Variants in EDA observed in about 807,000 individuals in gnomAD.
EDA encodes ectodysplasin A, also known as ectodysplasin-A.
Under a neutral mutation model 23.6 loss-of-function variants are expected in EDA, and 2 were observed. That is an observed-to-expected ratio of 0.08 (90% CI 0.03 to 0.27). The LOEUF is 0.27. Ranked by LOEUF, EDA falls within the 10% of genes least tolerant of loss-of-function variation. EDA has a pLI of 1.00. For missense variants in EDA, 229 were observed against 324.2 expected, an observed-to-expected ratio of 0.71 and a Z score of 2.26; for synonymous variants, 131 against 132.0, an observed-to-expected ratio of 0.99 and a Z score of 0.05.
At chrX:69,821,051 C>T (rs2016207020) in intron 1 of EDA, among the ~76,000 whole-genome samples, 2 of 111,406 alleles carry the variant, frequency 1.8e-5, no homozygotes, top group African/African-American at 6.5e-5. Context: ...GAATACTATG[C>T]AGCCATAAAA....
Position 70,035,490 on chromosome X carries a change from C to A in EDA, c.1057C>A (p.Leu353Ile), listed in dbSNP as rs2147519192. Residue 353 changes from leucine to isoleucine, a missense_variant, in exon 8 of 8, where the codon CTC becomes ATC. Coordinates refer to ENST00000374552, the MANE Select transcript of EDA (RefSeq NM_001399.5). ...YNTCYTAGVC[L>I]LKARQKIAVK... is the part of the protein sequence containing the mutation. ...CACTTGCTATACCGCAGGCGTCTGCCTCCTCAAGGCCCGGCAGAAGATCGC... is the reference window on the plus strand; with the variant it reads ...CACTTGCTATACCGCAGGCGTCTGCATCCTCAAGGCCCGGCAGAAGATCGC... The A allele has an allele frequency of 1.7e-6, 2 of 1,210,633 alleles. No homozygotes were observed. Among genetic ancestry groups the A allele is most frequent in the East Asian group, 5.9e-5 (2 of 33,801 alleles).
intron 1 of EDA, among the ~76,000 whole-genome samples, chrX:69,876,837 G>A (rs2017653220): frequency 8.9e-6 from 1 of 112,412 alleles, no homozygotes; most frequent in Admixed American, 9.4e-5. Flanking sequence ...CCATTCACAG[G>A]TTGAAGGACA....
Position 69,920,593 on chromosome X carries a change from G to A in EDA, c.397-36434G>A, listed in dbSNP as rs1459993651. On this transcript the variant is annotated intron_variant, in intron 1 of 7. Coordinates refer to ENST00000374552, the MANE Select transcript of EDA (RefSeq NM_001399.5). ...ATGTTTTTCTCATGACTAGAATGGG[G>A]TTATGGGCTTTTGGAAGGAAGACTA... 2.7e-5 allele frequency among the ~76,000 whole-genome samples: 3 copies of A among 111,265 alleles called. No homozygotes were observed. The Admixed American group carries it at 2.9e-4, about 11-fold the overall frequency.
At chrX:69,846,289 G>C (rs2017004862) in intron 1 of EDA, among the ~76,000 whole-genome samples, 1 of 110,316 alleles carries the variant, frequency 9.1e-6, no homozygotes, top group Non-Finnish European at 1.9e-5. Flanking sequence ...GTTTGTTTTT[G>C]GTTTGTTGTT....
chrX:69,809,051 T>C (rs1195018792), intron 1 of EDA, among the ~76,000 whole-genome samples: 3 of 111,643 alleles, frequency 2.7e-5, no homozygotes, highest in African/African-American at 9.8e-5. Flanking sequence ...ACATTTACTA[T>C]TTTAACCTGA....
chrX:69,873,477 A>G (rs2017597456), intron 1 of EDA, among the ~76,000 whole-genome samples: 1 of 112,458 alleles, frequency 8.9e-6, no homozygotes, highest in Non-Finnish European at 1.9e-5. Context: ...CTTTGAAAAC[A>G]TAAATAAAAT....
chrX:69,979,057 C>T (rs1363364127), intron 2 of EDA, among the ~76,000 whole-genome samples: 1 of 111,562 alleles, frequency 9.0e-6, no homozygotes, highest in Admixed American at 9.6e-5. Context: ...ACAATAACTC[C>T]CCATGACCCT....
chrX:69,761,476 A>G (rs964030837), intron 1 of EDA, among the ~76,000 whole-genome samples: 1 of 112,290 alleles, frequency 8.9e-6, no homozygotes, highest in Non-Finnish European at 1.9e-5. Context: ...CATTTTACAG[A>G]TAAAAAATCT....
chrX:69,909,458 GC>G (rs1569370431), intron 1 of EDA, among the ~76,000 whole-genome samples: 1 of 111,540 alleles, frequency 9.0e-6, no homozygotes, highest in African/African-American at 3.3e-5. Flanking sequence ...GTACCACCAC[GC>G]CCAGCATTTT....
chrX:69,834,828 G>T (rs758690283), intron 1 of EDA, among the ~76,000 whole-genome samples: 224 of 111,461 alleles, frequency 2.0e-3, no homozygotes, highest in African/African-American at 6.8e-3. Context: ...TTACAATTTG[G>T]CATGTTTTTG....
chrX:69,957,949 A>T (rs2019040078), intron 2 of EDA, among the ~76,000 whole-genome samples: 1 of 112,233 alleles, frequency 8.9e-6, no homozygotes, highest in African/African-American at 3.2e-5. Flanking sequence ...TTCTCTTTGT[A>T]TAAGCCTAGA....
chrX:70,010,115 G>A (rs2019855839), intron 2 of EDA, among the ~76,000 whole-genome samples: 1 of 111,757 alleles, frequency 8.9e-6, no homozygotes. Flanking sequence ...TTCTATAAAC[G>A]TCAGTTAGAT....
At chrX:69,646,871 C>T (rs1411261309) in intron 1 of EDA, among the ~76,000 whole-genome samples, 1 of 111,838 alleles carries the variant, frequency 8.9e-6, no homozygotes, top group African/African-American at 3.2e-5. Context: ...CCTTCAGGAG[C>T]TTTTGAAAGG....
At chrX:69,937,514 C>G (rs1214931460) in intron 1 of EDA, 2 of 900,252 alleles carry the variant, frequency 2.2e-6, no homozygotes, top group African/African-American at 1.9e-5. Flanking sequence ...AGTTGGTCAG[C>G]ATTTTGATTA....
At chrX:69,991,737 A>G (rs1445166867) in intron 2 of EDA, among the ~76,000 whole-genome samples, 1 of 111,131 alleles carries the variant, frequency 9.0e-6, no homozygotes, top group Non-Finnish European at 1.9e-5. Context: ...ATTTTCTGTC[A>G]TTTTTTGCCA....
chrX:69,782,341 G>A (rs2014970111), intron 1 of EDA, among the ~76,000 whole-genome samples: 1 of 87,942 alleles, frequency 1.1e-5, no homozygotes, highest in Non-Finnish European at 2.1e-5. Context: ...CCAAGTGTGT[G>A]TAGACAAATA....
intron 1 of EDA, chrX:69,670,188 T>TTTTG (rs1555979899): frequency 1.2e-5 from 4 of 327,486 alleles, no homozygotes; most frequent in Non-Finnish European, 2.1e-5. Flanking sequence ...TGACTGTTTT[T>TTTTG]TTTTTTTTTT....
At chrX:69,698,751 A>G (rs1022085678) in intron 1 of EDA, among the ~76,000 whole-genome samples, 5 of 110,923 alleles carry the variant, frequency 4.5e-5, no homozygotes, top group African/African-American at 1.6e-4. Context: ...CTTTGCCTGA[A>G]GATTGGGGCC....
chrX:69,913,253 T>C (rs906440668), intron 1 of EDA, among the ~76,000 whole-genome samples: 1 of 112,528 alleles, frequency 8.9e-6, no homozygotes, highest in African/African-American at 3.2e-5. Flanking sequence ...CTTCTTCCAA[T>C]ACAGGATTAT....
Sources: allele counts gnomAD v4.1 joint callset (sites outside exome capture counted in the v4.1 genomes callset), GRCh38; gene constraint gnomAD v4.1.1; transcripts MANE v1.5; gene names NCBI Gene and HGNC (gene_info 2026-07-23, HGNC 2026-07-21).